Variants in XKR3 observed in about 807,000 individuals in gnomAD.
XKR3 encodes the protein XK related 3, also known as XK-related protein 3.
In XKR3, 27 loss-of-function variants were observed where a neutral mutation model predicts 40.3. The observed-to-expected ratio is 0.67, with a 90% CI of 0.49 to 0.92. XKR3 has a LOEUF of 0.92. Among genes scored for constraint, XKR3 ranks in the 40% least tolerant of loss-of-function variants. XKR3 has a pLI of 0.00. For missense variants in XKR3, 472 were observed against 537.6 expected, an observed-to-expected ratio of 0.88 and a Z score of 1.21; for synonymous variants, 193 against 195.4, an observed-to-expected ratio of 0.99 and a Z score of 0.10.
chr22:16,802,531 C>A (rs540448310), intron 2 of XKR3, among the ~76,000 whole-genome samples: 2 of 151,662 alleles, frequency 1.3e-5, no homozygotes, highest in South Asian at 4.2e-4. Context: ...TGCTCTGTTG[C>A]CAGGCTGGAG....
At chr22:16,791,333 G>A (rs2060114839) in intron 3 of XKR3, among the ~76,000 whole-genome samples, 2 of 151,914 alleles carry the variant, frequency 1.3e-5, no homozygotes, top group Admixed American at 1.3e-4. Context: ...AAAAGACTCT[G>A]TGGATATAGA....
At chr22:16,817,285 A>G (rs2060237667) in intron 1 of XKR3, among the ~76,000 whole-genome samples, 1 of 152,070 alleles carries the variant, frequency 6.6e-6, no homozygotes, top group Admixed American at 6.6e-5. Context: ...TTTAAATTCA[A>G]CTTTTTATCC....
chr22:16,815,139 C>T (rs1366943426), intron 1 of XKR3, among the ~76,000 whole-genome samples: 1 of 151,912 alleles, frequency 6.6e-6, no homozygotes, highest in African/African-American at 2.4e-5. Context: ...TTTCTATTCC[C>T]ACCTAGTTGA....
In XKR3 at chr22:16,801,766, C is replaced by T. The variant is rs542768282; in HGVS notation, c.336-1742G>A. On this transcript the variant is annotated intron_variant, in intron 2 of 3. Transcript: ENST00000684488. ...TAAAATCAGAAGAAACATTTCAATG[C>T]AAAAAAAGTGTCATCAGCATAATAA... Among the ~76,000 whole-genome samples the T allele has an allele frequency of 9.3e-5, 14 of 149,902 alleles. No individual in the cohort carries two copies. The South Asian group carries it at 2.1e-3, about 22-fold the overall frequency.
intron 3 of XKR3, among the ~76,000 whole-genome samples, chr22:16,793,595 C>A (rs897817026): frequency 2.0e-5 from 3 of 152,032 alleles, no homozygotes; most frequent in African/African-American, 7.2e-5. Context: ...CACCCAGAGA[C>A]AAAACTTCTT....
intron 2 of XKR3, among the ~76,000 whole-genome samples, chr22:16,801,658 C>A (rs2060169395): frequency 1.4e-5 from 2 of 147,592 alleles, no homozygotes. Flanking sequence ...ATAATTAAAG[C>A]ATAAGAACAA....
At chr22:16,806,681 G>A (rs545121454) in intron 2 of XKR3, among the ~76,000 whole-genome samples, 7 of 151,834 alleles carry the variant, frequency 4.6e-5, no homozygotes, top group Admixed American at 2.6e-4. Flanking sequence ...CAAATGATCC[G>A]CCTGCATTGG....
chr22:16,806,471 T>G (rs1440678054), intron 2 of XKR3, among the ~76,000 whole-genome samples: 2 of 147,672 alleles, frequency 1.4e-5, no homozygotes, highest in African/African-American at 4.9e-5. Flanking sequence ...TAGTTAAGGT[T>G]TTTTTTTTTT....
intron 3 of XKR3, among the ~76,000 whole-genome samples, chr22:16,786,822 T>C (rs1381967129): frequency 8.5e-5 from 13 of 152,142 alleles, no homozygotes; most frequent in African/African-American, 2.9e-4. Context: ...CAGGCACCTA[T>C]ATCATTGTGC....
chr22:16,818,806 C>T (rs2060244120), intron 1 of XKR3, among the ~76,000 whole-genome samples: 1 of 152,100 alleles, frequency 6.6e-6, no homozygotes, highest in Admixed American at 6.5e-5. Flanking sequence ...CACCCAACAA[C>T]AATAGTGGTT....
chr22:16,813,419 G>A (rs1226657090), intron 1 of XKR3, among the ~76,000 whole-genome samples: 1 of 152,156 alleles, frequency 6.6e-6, no homozygotes, highest in Non-Finnish European at 1.5e-5. Context: ...CTAAACTCGA[G>A]ATTTCTATAA....
intron 3 of XKR3, among the ~76,000 whole-genome samples, chr22:16,793,254 T>C (rs2060127840): frequency 6.6e-6 from 1 of 152,314 alleles, no homozygotes; most frequent in African/African-American, 2.4e-5. Context: ...TCAGGTGATC[T>C]GTCCGCCTCG....
intron 1 of XKR3, among the ~76,000 whole-genome samples, chr22:16,823,805 G>A (rs1032642268): frequency 6.7e-4 from 34 of 51,074 alleles, no homozygotes; most frequent in Admixed American, 6.0e-3. Flanking sequence ...AGTACTAAAA[G>A]GTTTTTTTTT....
At chr22:16,784,477 A>G (rs1201400267) in intron 3 of XKR3, 68 bp from the exon 4 acceptor site, 56 of 1,396,190 alleles carry the variant, frequency 4.0e-5, no homozygotes, top group Non-Finnish European at 5.1e-5. Context: ...TCTTTTTTAA[A>G]CTTGCCATTT....
chr22:16,804,985 C>T (rs1197009761), intron 2 of XKR3, among the ~76,000 whole-genome samples: 3 of 152,106 alleles, frequency 2.0e-5, no homozygotes, highest in Non-Finnish European at 2.9e-5. Flanking sequence ...CTCTTTTCAT[C>T]GACCAAAGAC....
chr22:16,811,067 A>C (rs2060210320), intron 1 of XKR3, among the ~76,000 whole-genome samples: 1 of 151,412 alleles, frequency 6.6e-6, no homozygotes, highest in African/African-American at 2.4e-5. Context: ...GGAAAACAAT[A>C]CGTGATATAT....
At chr22:16,808,193 G>A in intron 1 of XKR3, 110 bp from the exon 2 acceptor site, 1 of 760,114 alleles carries the variant, frequency 1.3e-6, no homozygotes, top group East Asian at 2.6e-5. Context: ...AATGTTAACA[G>A]GTAGATATGG....
At chr22:16,793,782 C>G (rs2060130221) in intron 3 of XKR3, among the ~76,000 whole-genome samples, 1 of 152,126 alleles carries the variant, frequency 6.6e-6, no homozygotes, top group Non-Finnish European at 1.5e-5. Context: ...CAAATCAACC[C>G]AAGGAAGCCA....
intron 3 of XKR3, among the ~76,000 whole-genome samples, chr22:16,792,583 C>T (rs1325457085): frequency 6.6e-6 from 1 of 152,170 alleles, no homozygotes; most frequent in African/African-American, 2.4e-5. Context: ...TAAACGTGTA[C>T]CTAACTGCTT....
Sources: gnomAD v4.1 joint callset for allele counts (sites outside exome capture counted in the v4.1 genomes callset) on GRCh38, gnomAD v4.1.1 for gene constraint, MANE v1.5 for transcripts, NCBI Gene and HGNC (gene_info 2026-07-23, HGNC 2026-07-21) for gene names.